Variants in RABGAP1L observed in about 807,000 individuals in gnomAD.
The protein encoded by RABGAP1L is rab GTPase-activating protein 1-like.
In RABGAP1L, 63 loss-of-function variants were observed where a neutral mutation model predicts 137.7. The observed-to-expected ratio is 0.46, with a 90% CI of 0.37 to 0.56. RABGAP1L has a LOEUF of 0.56. Ranked by LOEUF, RABGAP1L falls within the 20% of genes least tolerant of loss-of-function variation. The pLI is 0.00. For synonymous variants in RABGAP1L, 431 were observed against 433.7 expected, an observed-to-expected ratio of 0.99 and a Z score of 0.08; for missense variants, 1,095 against 1,244.0, an observed-to-expected ratio of 0.88 and a Z score of 1.80.
intron 13 of RABGAP1L, among the ~76,000 whole-genome samples, chr1:174,589,144 A>C (rs754594209): frequency 6.6e-6 from 1 of 152,300 alleles, no homozygotes; most frequent in South Asian, 2.1e-4. Flanking sequence ...AAAGCCATTA[A>C]AACTTGGGTG....
chr1:174,634,566 A>G (rs1211791261), intron 13 of RABGAP1L, among the ~76,000 whole-genome samples: 12 of 140,586 alleles, frequency 8.5e-5, no homozygotes, highest in South Asian at 4.9e-4. Flanking sequence ...TCATGCTGCT[A>G]TAAAGACACA....
intron 19 of RABGAP1L, among the ~76,000 whole-genome samples, chr1:174,923,096 C>T (rs1465914364): frequency 8.0e-5 from 12 of 149,316 alleles, no homozygotes; most frequent in Admixed American, 3.4e-4. Context: ...TGCAGAACTA[C>T]GGACACATCA....
At chr1:174,796,604 G>A (rs943428851) in intron 18 of RABGAP1L, among the ~76,000 whole-genome samples, 4 of 152,120 alleles carry the variant, frequency 2.6e-5, no homozygotes, top group East Asian at 3.8e-4. Flanking sequence ...GAAACATGAG[G>A]GATTTTTGAT....
rs139551735 is a variant in RABGAP1L at position 174,418,249 on chromosome 1, C to G, written c.1710+24104C>G. On this transcript the variant is annotated intron_variant, in intron 13 of 25. Coordinates refer to ENST00000681986, the MANE Select transcript of RABGAP1L (RefSeq NM_001366446.1). ...TTTGACACTTGAATTACCTTCTTTC[C>G]TAAGATAACACGTCTTGTTCAGTTT... 5.1e-4 allele frequency among the ~76,000 whole-genome samples: 78 copies of G among 152,306 alleles called. 1 individual carries two copies. Among genetic ancestry groups the G allele is most frequent in the East Asian group, 3.5e-3 (18 of 5,192 alleles).
chr1:174,630,068 A>T (rs1295756202), intron 13 of RABGAP1L, among the ~76,000 whole-genome samples: 1 of 150,854 alleles, frequency 6.6e-6, no homozygotes, highest in East Asian at 2.0e-4. Context: ...AATACGTCCC[A>T]TCAATACCTA....
chr1:174,596,384 T>C (rs1404787287), intron 13 of RABGAP1L, among the ~76,000 whole-genome samples: 2 of 152,152 alleles, frequency 1.3e-5, no homozygotes, highest in East Asian at 3.9e-4. Context: ...TCCCTCCTCT[T>C]CAGTTTCTTT....
At chr1:174,736,179 G>GA (rs1682929375) in intron 17 of RABGAP1L, among the ~76,000 whole-genome samples, 1 of 152,174 alleles carries the variant, frequency 6.6e-6, no homozygotes, top group African/African-American at 2.4e-5. Flanking sequence ...GTAAGTCTAT[G>GA]AGGTTAAATA....
At chr1:174,419,068 T>A (rs1038505117) in intron 13 of RABGAP1L, among the ~76,000 whole-genome samples, 1 of 152,112 alleles carries the variant, frequency 6.6e-6, no homozygotes, top group Admixed American at 6.6e-5. Context: ...GAATACAATA[T>A]AAGGTACCAA....
chr1:174,302,096 G>C (rs531779493), intron 10 of RABGAP1L, among the ~76,000 whole-genome samples: 6 of 152,150 alleles, frequency 3.9e-5, no homozygotes, highest in African/African-American at 1.4e-4. Context: ...TCTAAGATAC[G>C]GACAAGCTTG....
chr1:174,510,705 A>G (rs1662251413), intron 13 of RABGAP1L, among the ~76,000 whole-genome samples: 1 of 152,186 alleles, frequency 6.6e-6, no homozygotes, highest in African/African-American at 2.4e-5. Flanking sequence ...AAGGTCAGAT[A>G]TCCCACAACC....
chr1:174,193,223 A>G (rs1410339687), intron 1 of RABGAP1L, among the ~76,000 whole-genome samples: 1 of 152,170 alleles, frequency 6.6e-6, no homozygotes, highest in Non-Finnish European at 1.5e-5. Context: ...TACATTCTTA[A>G]ATTGTGCTGT....
intron 11 of RABGAP1L, among the ~76,000 whole-genome samples, chr1:174,338,708 A>AT (rs1364364436): frequency 1.3e-5 from 2 of 151,980 alleles, no homozygotes; most frequent in Non-Finnish European, 2.9e-5. Flanking sequence ...ATATACTCTC[A>AT]TTTTTAATGA....
intron 15 of RABGAP1L, among the ~76,000 whole-genome samples, chr1:174,693,247 C>G (rs370646719): frequency 6.6e-6 from 1 of 152,210 alleles, no homozygotes; most frequent in African/African-American, 2.4e-5. Flanking sequence ...TCCCACTGCA[C>G]TTAGAATACA....
intron 17 of RABGAP1L, among the ~76,000 whole-genome samples, chr1:174,717,483 A>G (rs1681117838): frequency 6.6e-6 from 1 of 152,212 alleles, no homozygotes; most frequent in African/African-American, 2.4e-5. Context: ...CCTCTCGTTT[A>G]AGTGCCCTTT....
intron 21 of RABGAP1L, among the ~76,000 whole-genome samples, chr1:174,973,484 G>A (rs1358100777): frequency 6.7e-6 from 1 of 148,328 alleles, no homozygotes; most frequent in Non-Finnish European, 1.5e-5. Flanking sequence ...TCCTGGTTTC[G>A]AGCAATTCTC....
At chr1:174,811,981 A>G (rs750599155) in intron 19 of RABGAP1L, 21 bp downstream of exon 19, 5 of 1,565,898 alleles carry the variant, frequency 3.2e-6, no homozygotes, top group African/African-American at 1.4e-5. Context: ...GAGTTTTTAT[A>G]TAATAAAGGT....
chr1:174,542,150 A>G lies in RABGAP1L; in HGVS notation c.1711-95225A>G, dbSNP rs1476101345. On this transcript the variant is annotated intron_variant, in intron 13 of 25. Coordinates refer to ENST00000681986, the MANE Select transcript of RABGAP1L (RefSeq NM_001366446.1). ...ATTCCCTCTTTTTCTGTTGATTGGA[A>G]TAGTTTCAGAAGGAATGGTACCAGT... 3.3e-5 allele frequency among the ~76,000 whole-genome samples: 5 copies of G among 152,174 alleles called. No homozygotes were observed. In the East Asian group the frequency reaches 9.6e-4, roughly 29 times the overall value.
At chr1:174,461,549 G>A (rs886186653) in intron 13 of RABGAP1L, among the ~76,000 whole-genome samples, 5 of 152,286 alleles carry the variant, frequency 3.3e-5, no homozygotes, top group Admixed American at 3.3e-4. Flanking sequence ...GTTGAGCCAA[G>A]TACAGAGTGC....
At chr1:174,781,923 G>A (rs138685740) in intron 18 of RABGAP1L, among the ~76,000 whole-genome samples, 3,410 of 152,154 alleles carry the variant, frequency 0.022, 56 homozygotes, top group Middle Eastern at 0.085. Flanking sequence ...CCATTGGTCT[G>A]TATCTCTGTT....
Sources: allele counts gnomAD v4.1 joint callset (sites outside exome capture counted in the v4.1 genomes callset), GRCh38; gene constraint gnomAD v4.1.1; transcripts MANE v1.5; gene names NCBI Gene and HGNC (gene_info 2026-07-23, HGNC 2026-07-21).